KIF1B: variants seen among roughly 807,000 people sequenced by gnomAD.
KIF1B encodes the protein kinesin-like protein KIF1B.
KIF1B carries 76 observed loss-of-function variants against 241.9 expected under a neutral mutation model. The ratio of observed to expected loss-of-function variants is 0.31; its 90% CI spans 0.26 to 0.38. The LOEUF (loss-of-function observed/expected upper bound fraction) is 0.38, where lower values mean the gene tolerates loss of function less well. KIF1B is among the 10% of genes least tolerant of loss of function. The pLI is 1.00. For missense variants in KIF1B, 1,622 were observed against 2,271.4 expected (o/e 0.71, Z 5.81); for synonymous variants, 750 against 796.7 (o/e 0.94, Z 0.99).
intron 13 of KIF1B, chr1:10,278,844 A>AT (rs1296408906): frequency 1.1e-3 from 479 of 419,886 alleles, no homozygotes; most frequent in Middle Eastern, 2.0e-3. Context: ...TTAGTAAAGC[A>AT]TTTTTTTTTA....
At chr1:10,339,735 A>G (rs750071156) in intron 31 of KIF1B, 34 bp from the exon 32 acceptor site, 2 of 1,575,260 alleles carry the variant, frequency 1.3e-6, no homozygotes, top group Non-Finnish European at 8.7e-7. Context: ...CGTTTAATGC[A>G]TTGTTCACGA....
At chr1:10,255,965 G>GTT (rs397975147) in intron 2 of KIF1B, among the ~76,000 whole-genome samples, 11 of 116,206 alleles carry the variant, frequency 9.5e-5, no homozygotes, top group African/African-American at 1.9e-4. Context: ...AGTTGTTGTT[G>GTT]TTTTTTTTTT....
At chr1:10,375,786 G>GTTTTTTT (rs201620952) in intron 48 of KIF1B, among the ~76,000 whole-genome samples, 34 of 69,582 alleles carry the variant, frequency 4.9e-4, no homozygotes, top group Non-Finnish European at 7.0e-4. Flanking sequence ...TTCTTTTCTT[G>GTTTTTTT]TTTTTTTTTT....
At chr1:10,345,741 C>T in intron 34 of KIF1B, 104 bp from the exon 35 acceptor site, 1 of 814,322 alleles carries the variant, frequency 1.2e-6, no homozygotes, top group South Asian at 1.5e-5. Flanking sequence ...CTGACTCTTG[C>T]TGCCTTTCCC....
At position 10,288,200 on chromosome 1, in the gene KIF1B, C is replaced by T. The variant is rs1312593278; in HGVS notation, c.1435-2882C>T. ...TTAAAGAGGGGCTCACTGTGTTGCTCAGGCTGGAGTGTAGTGGTGCAGTCA... is the reference window on the plus strand; with the variant it reads ...TTAAAGAGGGGCTCACTGTGTTGCTTAGGCTGGAGTGTAGTGGTGCAGTCA... On this transcript the variant is annotated intron_variant, in intron 15 of 48. Coordinates refer to ENST00000676179, the MANE Select transcript of KIF1B (RefSeq NM_001365951.3). Among the ~76,000 whole-genome samples the T allele has an allele frequency of 2.6e-5, 4 of 152,160 alleles. No individual in the cohort carries two copies. In the East Asian group the frequency reaches 7.7e-4, roughly 29 times the overall value.
At chr1:10,268,043 T>C (rs1648566843) in intron 6 of KIF1B, 109 bp from the exon 7 acceptor site, 1 of 774,050 alleles carries the variant, frequency 1.3e-6, no homozygotes, top group Non-Finnish European at 2.3e-6. Context: ...TGTGAATAAG[T>C]TTAAGACTAT....
intron 5 of KIF1B, 147 bp downstream of exon 5, chr1:10,262,117 A>G: frequency 5.6e-6 from 4 of 714,218 alleles, no homozygotes; most frequent in East Asian, 2.7e-5. Context: ...GGTTTTGGGT[A>G]TAATGAATAG....
chr1:10,335,906 A>G (rs547778896), intron 28 of KIF1B, among the ~76,000 whole-genome samples: 11 of 152,258 alleles, frequency 7.2e-5, no homozygotes, highest in Admixed American at 2.6e-4. Context: ...TGAGGAAAGA[A>G]TGTGGTCATT....
intron 1 of KIF1B, among the ~76,000 whole-genome samples, chr1:10,213,727 T>G (rs1646726201): frequency 6.6e-6 from 1 of 152,236 alleles, no homozygotes; most frequent in Non-Finnish European, 1.5e-5. Context: ...CTGGTGAATA[T>G]CTGGATTCTG....
At chr1:10,352,535 C>A in intron 37 of KIF1B, 96 bp from the exon 38 acceptor site, 1 of 1,100,856 alleles carries the variant, frequency 9.1e-7, no homozygotes, top group Non-Finnish European at 1.4e-6. Context: ...AGCTCCTGAA[C>A]TTACACAGAG....
chr1:10,324,719 CATTAT>C, intron 25 of KIF1B, 34 bp from the exon 26 acceptor site: 1 of 1,608,348 alleles, frequency 6.2e-7, no homozygotes, highest in Non-Finnish European at 8.5e-7. Flanking sequence ...AATGCAATCT[CATTAT>C]ATTAACCCAA....
At chr1:10,224,511 T>C (rs544059791) in intron 1 of KIF1B, among the ~76,000 whole-genome samples, 29 of 152,238 alleles carry the variant, frequency 1.9e-4, no homozygotes, top group Admixed American at 8.5e-4. Flanking sequence ...CTCCAACTCC[T>C]GGGCTCAAGT....
intron 2 of KIF1B, among the ~76,000 whole-genome samples, 198 bp from the exon 3 acceptor site, chr1:10,256,049 T>G (rs1185268458): frequency 6.6e-6 from 1 of 151,806 alleles, no homozygotes; most frequent in South Asian, 2.1e-4. Flanking sequence ...CCTCTAGTGA[T>G]CCACCCAGCT....
At chr1:10,324,165 T>C (rs1569826366) in intron 25 of KIF1B, 103 bp downstream of exon 25, 2 of 1,139,846 alleles carry the variant, frequency 1.8e-6, no homozygotes, top group East Asian at 4.7e-5. Context: ...ACACTGTTGC[T>C]TACTTCCCTG....
intron 22 of KIF1B, among the ~76,000 whole-genome samples, chr1:10,316,652 C>T (rs1477421677): frequency 6.6e-6 from 1 of 151,352 alleles, no homozygotes; most frequent in Non-Finnish European, 1.5e-5. Flanking sequence ...AGGTGTGTGC[C>T]ATCACACCTG....
chr1:10,303,269 C>A lies in KIF1B; in HGVS notation c.2115+6023C>A. On this transcript the variant is annotated intron_variant, in intron 22 of 48. Transcript: ENST00000676179. This position sits in a 1 kb window ranked among gnomAD's most constrained non-coding sequence, Gnocchi z 5.2. ...AAGCTACCTCCCAGCAAGTTGCAAA[C>A]CATTGTTAAAAAATGTGGCCTCCCA... The A allele has an allele frequency of 1.9e-6, 3 of 1,614,082 alleles. No homozygotes were observed. The South Asian group carries it at 3.3e-5, about 18-fold the overall frequency.
intron 15 of KIF1B, among the ~76,000 whole-genome samples, chr1:10,289,978 T>G (rs1283088335): frequency 6.6e-6 from 1 of 152,184 alleles, no homozygotes; most frequent in Non-Finnish European, 1.5e-5. Flanking sequence ...GATTTTGTTC[T>G]CTGACATATC....
At chr1:10,280,166 T>C (rs1226284281) in intron 14 of KIF1B, among the ~76,000 whole-genome samples, 1 of 152,106 alleles carries the variant, frequency 6.6e-6, no homozygotes, top group Non-Finnish European at 1.5e-5. Context: ...GAAATTGTTA[T>C]CTTAGAAGAA....
chr1:10,236,228 T>C (rs1188898984), intron 2 of KIF1B, among the ~76,000 whole-genome samples: 1 of 151,756 alleles, frequency 6.6e-6, no homozygotes, highest in Non-Finnish European at 1.5e-5. Flanking sequence ...GCTGAGATCA[T>C]GCCACTGCAC....
Sources: gnomAD v4.1 joint callset for allele counts (sites outside exome capture counted in the v4.1 genomes callset) on GRCh38, gnomAD v4.1.1 for gene constraint, Gnocchi (gnomAD v3.1) non-coding constraint, MANE v1.5 for transcripts, NCBI Gene and HGNC (gene_info 2026-07-23, HGNC 2026-07-21) for gene names.